The following RSU1 variants were observed in gnomAD, a reference collection of about 807,000 sequenced individuals.
The protein encoded by RSU1 is rsu-1.
RSU1 carries 26 observed loss-of-function variants against 31.1 expected under a neutral mutation model. The ratio of observed to expected loss-of-function variants is 0.84; its 90% CI spans 0.61 to 1.16. RSU1 has a LOEUF of 1.16. Among genes scored for constraint, RSU1 ranks in the 50% most tolerant of loss-of-function variants. RSU1 has a pLI of 0.00. For synonymous variants in RSU1, 164 were observed against 136.3 expected (o/e 1.20, Z -1.41); for missense variants, 320 against 339.1 (o/e 0.94, Z 0.44).
At chr10:16,615,669 T>C (rs1833963281) in intron 8 of RSU1, among the ~76,000 whole-genome samples, 1 of 151,820 alleles carries the variant, frequency 6.6e-6, no homozygotes, top group Non-Finnish European at 1.5e-5. Flanking sequence ...AAGAATGAAA[T>C]CGTAACAGTC....
intron 8 of RSU1, among the ~76,000 whole-genome samples, chr10:16,612,247 A>G (rs972964459): frequency 2.0e-4 from 30 of 152,338 alleles, no homozygotes; most frequent in African/African-American, 6.7e-4. Flanking sequence ...TATTTTTTAA[A>G]TGTTGCAATA....
chr10:16,622,255 T>C (rs1834083186), intron 8 of RSU1, among the ~76,000 whole-genome samples: 1 of 152,254 alleles, frequency 6.6e-6, no homozygotes, highest in South Asian at 2.1e-4. Flanking sequence ...TGGAGGCTGA[T>C]GATGACGTGA....
intron 7 of RSU1, among the ~76,000 whole-genome samples, chr10:16,741,965 C>G (rs1169158071): frequency 1.3e-5 from 2 of 151,944 alleles, no homozygotes; most frequent in African/African-American, 2.4e-5. Context: ...ACCAGTGCTC[C>G]CCAAACTGAA....
intron 2 of RSU1, among the ~76,000 whole-genome samples, chr10:16,802,164 A>T (rs1838169857): frequency 6.6e-6 from 1 of 151,430 alleles, no homozygotes; most frequent in Admixed American, 6.6e-5. Context: ...AAGATCAATA[A>T]AACTGGTAAT....
At chr10:16,599,984 A>G (rs941536778) in intron 8 of RSU1, among the ~76,000 whole-genome samples, 1 of 152,204 alleles carries the variant, frequency 6.6e-6, no homozygotes, top group Admixed American at 6.5e-5. Context: ...ACCCTTTGAC[A>G]TGGAACCCTA....
chr10:16,677,315 T>C (rs1352025996), intron 8 of RSU1, among the ~76,000 whole-genome samples: 1 of 152,190 alleles, frequency 6.6e-6, no homozygotes, highest in African/African-American at 2.4e-5. Flanking sequence ...AGATGAATTC[T>C]GTAAAGAATT....
rs182371736 is a variant in RSU1 at position 16,622,249 on chromosome 10, G to A, written c.732-28753C>T. On this transcript the variant is annotated intron_variant, in intron 8 of 8. Coordinates refer to ENST00000345264, the MANE Select transcript of RSU1 (RefSeq NM_012425.4). ...TGGCTGTTTAACAGATTCAACTGGAGGCTGATGATGACGTGAGGTCAACAA... is the reference window on the plus strand; with the variant it reads ...TGGCTGTTTAACAGATTCAACTGGAAGCTGATGATGACGTGAGGTCAACAA... Among the ~76,000 whole-genome samples the A allele has an allele frequency of 3.7e-3, 558 of 152,276 alleles. 6 individuals are homozygous for A. Among genetic ancestry groups the A allele is most frequent in the African/African-American group, 0.013 (545 of 41,548 alleles).
chr10:16,761,162 C>T (rs1463098450), intron 4 of RSU1, among the ~76,000 whole-genome samples: 2 of 152,154 alleles, frequency 1.3e-5, no homozygotes, highest in Non-Finnish European at 2.9e-5. Context: ...AGGCTGTTCT[C>T]GAACTCCTGG....
chr10:16,769,504 G>A (rs1309611729), intron 3 of RSU1, among the ~76,000 whole-genome samples: 16 of 152,312 alleles, frequency 1.1e-4, no homozygotes, highest in Admixed American at 2.0e-4. Context: ...AGCCCTACCC[G>A]ATGGCAGTGG....
intron 7 of RSU1, among the ~76,000 whole-genome samples, chr10:16,698,840 C>A (rs773652148): frequency 1.3e-5 from 2 of 152,186 alleles, no homozygotes; most frequent in South Asian, 4.1e-4. Flanking sequence ...ACTTCCAACC[C>A]ATCTGCATAT....
At chr10:16,793,711 T>C (rs1039415237) in intron 2 of RSU1, among the ~76,000 whole-genome samples, 2 of 152,048 alleles carry the variant, frequency 1.3e-5, no homozygotes, top group African/African-American at 4.8e-5. Flanking sequence ...CTGTACTTCT[T>C]TGGTGGGACA....
intron 8 of RSU1, among the ~76,000 whole-genome samples, chr10:16,657,872 C>T (rs1170214841): frequency 2.0e-5 from 3 of 152,150 alleles, no homozygotes; most frequent in South Asian, 2.1e-4. Context: ...CACTTGTGAT[C>T]CCAGCTACTC....
At chr10:16,658,266 CT>C (rs956531052) in intron 8 of RSU1, among the ~76,000 whole-genome samples, 1 of 152,140 alleles carries the variant, frequency 6.6e-6, no homozygotes, top group Admixed American at 6.5e-5. Flanking sequence ...TTAAGGTTCT[CT>C]TTTGAATTAT....
intron 2 of RSU1, among the ~76,000 whole-genome samples, chr10:16,791,200 T>C (rs1837904798): frequency 1.3e-5 from 2 of 152,096 alleles, no homozygotes; most frequent in Non-Finnish European, 2.9e-5. Context: ...CTAATTTTTC[T>C]ATGTTTAGTA....
chr10:16,655,176 C>T (rs1285449342), intron 8 of RSU1, among the ~76,000 whole-genome samples: 1 of 151,666 alleles, frequency 6.6e-6, no homozygotes, highest in Non-Finnish European at 1.5e-5. Context: ...TCACTTGCTT[C>T]AATTCAATTG....
intron 2 of RSU1, among the ~76,000 whole-genome samples, chr10:16,784,877 T>A (rs1053979463): frequency 2.0e-5 from 3 of 152,110 alleles, no homozygotes; most frequent in African/African-American, 7.2e-5. Context: ...GAGATTTGGA[T>A]GGGGACACAG....
rs1833536882 is a variant in RSU1 at position 16,593,067 on chromosome 10, T to C, written c.*327A>G. On this transcript the variant is annotated 3_prime_UTR_variant, in exon 9 of 9. Transcript: ENST00000345264. ...TGACATTTAAATGGTTACATGATTT[T>C]AATTATTCTTTTGATAATAAGCAAC... The C allele has an allele frequency of 5.0e-6, 1 of 202,016 alleles. No individual in the cohort carries two copies. Among genetic ancestry groups the C allele is most frequent in the African/African-American group, 2.3e-5 (1 of 43,338 alleles). 12.5% of individuals were successfully genotyped at this position (202,016 alleles called of 1,614,324 possible).
chr10:16,755,422 CTT>C (rs113316063), intron 4 of RSU1, among the ~76,000 whole-genome samples: 2 of 145,290 alleles, frequency 1.4e-5, no homozygotes. Context: ...CATGCCCATC[CTT>C]TTTTTTTTTT....
chr10:16,771,389 A>G (rs55931104), intron 3 of RSU1, among the ~76,000 whole-genome samples: 9,991 of 152,262 alleles, frequency 0.066, 826 homozygotes, highest in African/African-American at 0.19. Context: ...TGGGGCATCC[A>G]TGGTCAAAGT....
Sources: gnomAD v4.1 joint callset for allele counts (sites outside exome capture counted in the v4.1 genomes callset) on GRCh38, gnomAD v4.1.1 for gene constraint, MANE v1.5 for transcripts, NCBI Gene and HGNC (gene_info 2026-07-23, HGNC 2026-07-21) for gene names.